The following CDH2 variants were observed in gnomAD, a reference collection of about 807,000 sequenced individuals.
The protein encoded by CDH2 is cadherin-2.
CDH2 carries 17 observed loss-of-function variants against 92.0 expected under a neutral mutation model. The ratio of observed to expected loss-of-function variants is 0.18; its 90% CI spans 0.13 to 0.28. The LOEUF (loss-of-function observed/expected upper bound fraction) is 0.28, where lower values mean the gene tolerates loss of function less well. Among genes scored for constraint, CDH2 ranks in the 10% least tolerant of loss-of-function variants. The pLI is 1.00. For missense variants in CDH2, 862 were observed against 1,133.1 expected, an observed-to-expected ratio of 0.76 and a Z score of 3.44; for synonymous variants, 419 against 415.9, an observed-to-expected ratio of 1.01 and a Z score of -0.09.
chr18:28,066,658 C>A (rs537147034), intron 2 of CDH2, among the ~76,000 whole-genome samples: 2 of 151,822 alleles, frequency 1.3e-5, no homozygotes, highest in East Asian at 1.9e-4. Flanking sequence ...ATAATGATTT[C>A]TATTATAGTC....
intron 2 of CDH2, among the ~76,000 whole-genome samples, chr18:28,034,759 C>CT (rs1195808256): frequency 5.9e-5 from 9 of 151,960 alleles, no homozygotes; most frequent in Admixed American, 2.0e-4. Flanking sequence ...GACCAGTCAC[C>CT]TTTTTTTGCA....
At chr18:27,993,058 A>G (rs75093556) in intron 8 of CDH2, among the ~76,000 whole-genome samples, 36 of 152,244 alleles carry the variant, frequency 2.4e-4, no homozygotes, top group Admixed American at 1.1e-3. Context: ...ATTACCTTAC[A>G]GTTTCATTAA....
At chr18:28,044,850 C>CGTGTGTGTGTGTGTGTGTGT (rs68093312) in intron 2 of CDH2, among the ~76,000 whole-genome samples, 6 of 148,504 alleles carry the variant, frequency 4.0e-5, no homozygotes, top group Non-Finnish European at 7.5e-5. Flanking sequence ...TATATAACAT[C>CGTGTGTGTGTGTGTGTGTGT]GTGTGTGTGT....
At chr18:28,093,342 CTCT>C (rs1248869271) in intron 2 of CDH2, among the ~76,000 whole-genome samples, 2 of 152,152 alleles carry the variant, frequency 1.3e-5, no homozygotes, top group African/African-American at 4.8e-5. Flanking sequence ...TGGGTAAAGT[CTCT>C]TCTTCCTGAT....
chr18:28,120,335 G>A (rs1388772338), intron 2 of CDH2, among the ~76,000 whole-genome samples: 2 of 151,898 alleles, frequency 1.3e-5, no homozygotes, highest in Non-Finnish European at 2.9e-5. Context: ...ATGCTGATAG[G>A]TCCAAGATAC....
At chr18:27,976,820 A>C (rs1319627312) in intron 14 of CDH2, among the ~76,000 whole-genome samples, 1 of 152,172 alleles carries the variant, frequency 6.6e-6, no homozygotes, top group African/African-American at 2.4e-5. Context: ...ATTTATACAC[A>C]CTTGATAAAT....
rs138448441 is a variant in CDH2, at chr18:28,155,732, G to C, written c.61-7948C>G. ...TGGTGATAGAGTAATGACACTGTTC[G>C]AGAACATTCAGCACGACTAATTTTT... On this transcript the variant is annotated intron_variant, in intron 1 of 15. Transcript: ENST00000269141. Among the ~76,000 whole-genome samples, 441 of 152,320 alleles carry C rather than the reference G, an allele frequency of 2.9e-3. 2 individuals are homozygous for C. Among genetic ancestry groups the C allele is most frequent in the African/African-American group, 0.01 (425 of 41,572 alleles).
At chr18:28,002,740 T>C (rs1267565297) in intron 7 of CDH2, among the ~76,000 whole-genome samples, 1 of 152,192 alleles carries the variant, frequency 6.6e-6, no homozygotes, top group African/African-American at 2.4e-5. Context: ...TTTTAAAAAT[T>C]AGATACCAGA....
intron 14 of CDH2, among the ~76,000 whole-genome samples, chr18:27,980,335 C>T (rs1472181991): frequency 6.6e-6 from 1 of 152,060 alleles, no homozygotes; most frequent in Non-Finnish European, 1.5e-5. Flanking sequence ...GAAGAAGTTC[C>T]AAAAGGTGGA....
intron 2 of CDH2, among the ~76,000 whole-genome samples, chr18:28,110,777 T>C (rs763307330): frequency 5.9e-5 from 9 of 152,270 alleles, no homozygotes; most frequent in Non-Finnish European, 8.8e-5. Flanking sequence ...TATATCTATA[T>C]AGGCTGCAAT....
At chr18:28,151,532 T>C (rs2016121838) in intron 1 of CDH2, among the ~76,000 whole-genome samples, 2 of 152,172 alleles carry the variant, frequency 1.3e-5, no homozygotes, top group Non-Finnish European at 2.9e-5. Flanking sequence ...GGTATCTACC[T>C]ACCCATTAAC....
At chr18:28,050,719 A>C (rs1405957999) in intron 2 of CDH2, among the ~76,000 whole-genome samples, 1 of 152,184 alleles carries the variant, frequency 6.6e-6, no homozygotes, top group African/African-American at 2.4e-5. Context: ...CTCATCTAGC[A>C]CTGAAATAGC....
At chr18:28,096,984 C>T (rs913333405) in intron 2 of CDH2, 2 of 152,128 alleles carry the variant, frequency 1.3e-5, no homozygotes, top group Non-Finnish European at 2.9e-5. Flanking sequence ...TAATTTTAAG[C>T]CATCTTTCAA....
chr18:28,068,855 T>G (rs1167366434), intron 2 of CDH2, among the ~76,000 whole-genome samples: 1 of 152,232 alleles, frequency 6.6e-6, no homozygotes, highest in Non-Finnish European at 1.5e-5. Flanking sequence ...GAAAAGCTAT[T>G]CAATCTTCAA....
intron 2 of CDH2, among the ~76,000 whole-genome samples, chr18:28,100,086 C>G (rs1484127294): frequency 6.6e-6 from 1 of 152,122 alleles, no homozygotes; most frequent in Admixed American, 6.5e-5. Flanking sequence ...TGGATAAACA[C>G]CACATGTGAC....
intron 2 of CDH2, among the ~76,000 whole-genome samples, chr18:28,127,997 G>T (rs968912968): frequency 6.6e-6 from 1 of 152,116 alleles, no homozygotes; most frequent in African/African-American, 2.4e-5. Flanking sequence ...ACAATAAAAA[G>T]ATAAACAGAT....
intron 2 of CDH2, among the ~76,000 whole-genome samples, chr18:28,116,758 A>G (rs1179973757): frequency 1.3e-5 from 2 of 152,166 alleles, no homozygotes; most frequent in South Asian, 2.1e-4. Flanking sequence ...GAGTGCCTCA[A>G]AGTGTGAACT....
intron 15 of CDH2, among the ~76,000 whole-genome samples, chr18:27,962,646 A>G (rs2011437701): frequency 6.6e-6 from 1 of 152,230 alleles, no homozygotes; most frequent in South Asian, 2.1e-4. Context: ...TTACATTCAC[A>G]ATACAAATTC....
In CDH2 at chr18:28,156,004, T is replaced by C. The variant is rs115503351; in HGVS notation, c.61-8220A>G. Among the ~76,000 whole-genome samples, 301 of 152,322 alleles carry C rather than the reference T, an allele frequency of 2.0e-3. 1 individual carries two copies. Among genetic ancestry groups the C allele is most frequent in the African/African-American group, 6.9e-3 (288 of 41,574 alleles). ...GCTGCAATATTTTTGTTTTGTCAAG[T>C]ACCATTCTGGAAGGAGATTATCTTG... On this transcript the variant is annotated intron_variant, in intron 1 of 15. Coordinates refer to ENST00000269141, the MANE Select transcript of CDH2 (RefSeq NM_001792.5).
Sources: allele counts gnomAD v4.1 joint callset (sites outside exome capture counted in the v4.1 genomes callset), GRCh38; gene constraint gnomAD v4.1.1; transcripts MANE v1.5; gene names NCBI Gene and HGNC (gene_info 2026-07-23, HGNC 2026-07-21).